SH3GL1: variants seen among roughly 807,000 people sequenced by gnomAD.
SH3GL1 encodes SH3 domain containing GRB2 like 1, endophilin A2, also known as endophilin-A2.
Under a neutral mutation model 48.8 loss-of-function variants are expected in SH3GL1, and 21 were observed. The observed-to-expected ratio is 0.43, with a 90% CI of 0.30 to 0.62. The LOEUF is 0.62. SH3GL1 is among the 20% of genes least tolerant of loss of function. SH3GL1 has a pLI of 0.11. For missense variants in SH3GL1, 454 were observed against 503.0 expected, an observed-to-expected ratio of 0.90 and a Z score of 0.93; for synonymous variants, 282 against 217.5, an observed-to-expected ratio of 1.30 and a Z score of -2.61.
chr19:4,364,882 G>A lies in SH3GL1; in HGVS notation c.331+600C>T, dbSNP rs1292039636. ...CCCGGCTAATTGTGTGTGTGTGTGT[G>A]TGTGTGTGTGTGTGTGTATATATAT... is the stretch of plus-strand genomic sequence containing the variant. On this transcript the variant is annotated intron_variant, in intron 4 of 9. Transcript: ENST00000269886. Among the ~76,000 whole-genome samples the A allele has an allele frequency of 3.7e-4, 26 of 69,822 alleles. No homozygotes were observed. In the South Asian group the frequency reaches 8.2e-3, roughly 22 times the overall value. 45.8% of individuals were successfully genotyped at this position (69,822 alleles called of 152,430 possible).
chr19:4,391,985 T>C (rs1160001632), intron 1 of SH3GL1, among the ~76,000 whole-genome samples: 3 of 152,236 alleles, frequency 2.0e-5, no homozygotes, highest in Non-Finnish European at 4.4e-5. Flanking sequence ...ATTCCCATCA[T>C]ACGTGGACAT....
intron 1 of SH3GL1, among the ~76,000 whole-genome samples, chr19:4,375,305 G>A (rs993146524): frequency 6.6e-6 from 1 of 152,244 alleles, no homozygotes; most frequent in Non-Finnish European, 1.5e-5. Context: ...GGGCCTAGGA[G>A]AGACATGCCT....
At chr19:4,394,261 C>G (rs1803223009) in intron 1 of SH3GL1, among the ~76,000 whole-genome samples, 1 of 152,004 alleles carries the variant, frequency 6.6e-6, no homozygotes. Context: ...GAAATAATGT[C>G]ACCCAAACCC....
intron 1 of SH3GL1, chr19:4,390,196 C>A (rs1054078456): frequency 6.6e-6 from 1 of 152,304 alleles, no homozygotes; most frequent in Non-Finnish European, 1.5e-5. Context: ...GCTCTCAGGG[C>A]CTGGTCAGCA....
At chr19:4,382,253 CTTTTTTTTTT>C (rs34085741) in intron 1 of SH3GL1, among the ~76,000 whole-genome samples, 10 of 102,382 alleles carry the variant, frequency 9.8e-5, no homozygotes, top group African/African-American at 2.9e-4. Flanking sequence ...GCTCCGCTTT[CTTTTTTTTTT>C]TTTTTTTTTT....
At chr19:4,378,031 A>C (rs1236710107) in intron 1 of SH3GL1, among the ~76,000 whole-genome samples, 1 of 151,952 alleles carries the variant, frequency 6.6e-6, no homozygotes, top group Non-Finnish European at 1.5e-5. Flanking sequence ...AACCCACCCC[A>C]AGTTCTCTGT....
intron 1 of SH3GL1, among the ~76,000 whole-genome samples, chr19:4,392,571 A>C (rs373768529): frequency 2.6e-4 from 37 of 142,388 alleles, no homozygotes; most frequent in African/African-American, 7.1e-4. Context: ...CACACACACA[A>C]AAGATCATTC....
chr19:4,395,162 T>C (rs1004273298), intron 1 of SH3GL1, among the ~76,000 whole-genome samples: 2 of 5,040 alleles, frequency 4.0e-4, no homozygotes, highest in African/African-American at 2.7e-3. Context: ...CTGTAAATGG[T>C]GTTTTTTTTT....
At chr19:4,391,535 A>C (rs1973337321) in intron 1 of SH3GL1, among the ~76,000 whole-genome samples, 1 of 152,210 alleles carries the variant, frequency 6.6e-6, no homozygotes, top group African/African-American at 2.4e-5. Context: ...TACAGCAGTC[A>C]CGGGTGGCAG....
intron 1 of SH3GL1, among the ~76,000 whole-genome samples, chr19:4,381,482 CCT>C (rs1359137371): frequency 2.3e-5 from 3 of 130,788 alleles, no homozygotes; most frequent in African/African-American, 8.8e-5. Flanking sequence ...GTCCCCTCTG[CCT>C]CTCTCCGTTC....
In SH3GL1 at chr19:4,376,631, G is replaced by A. The variant is rs1182785777; in HGVS notation, c.46-9637C>T. On this transcript the variant is annotated intron_variant, in intron 1 of 9. Coordinates refer to ENST00000269886, the MANE Select transcript of SH3GL1 (RefSeq NM_003025.4). This position sits in a 1 kb window ranked among gnomAD's most constrained non-coding sequence, Gnocchi z 4.3. ...TCATCTTACACCCCCATCTGCCTGG[G>A]CGGCCCCCCCATCTCCCCTCAGAGC... 2.6e-5 allele frequency among the ~76,000 whole-genome samples: 4 copies of A among 151,638 alleles called. No individual in the cohort carries two copies. Among genetic ancestry groups the A allele is most frequent in the African/African-American group, 9.7e-5 (4 of 41,220 alleles).
intron 1 of SH3GL1, among the ~76,000 whole-genome samples, chr19:4,381,414 T>C (rs1412800199): frequency 5.0e-5 from 3 of 59,856 alleles, no homozygotes; most frequent in African/African-American, 7.0e-5. Context: ...TACCTCTGTC[T>C]CCCCTCTCTC....
In SH3GL1 at chr19:4,389,435, C is replaced by T. The variant is rs1318279196; in HGVS notation, c.45+10889G>A. On this transcript the variant is annotated intron_variant, in intron 1 of 9. Coordinates refer to ENST00000269886, the MANE Select transcript of SH3GL1 (RefSeq NM_003025.4). This position sits in a 1 kb window ranked among gnomAD's most constrained non-coding sequence, Gnocchi z 4.5. ...AATGAGGTTGGGAGGTAGGAGAGGCCGGTGACATGGACAGGAGGCAGGAGA... is the reference window on the plus strand; with the variant it reads ...AATGAGGTTGGGAGGTAGGAGAGGCTGGTGACATGGACAGGAGGCAGGAGA... 7.1e-6 allele frequency among the ~76,000 whole-genome samples: 1 copy of T among 141,078 alleles called. No homozygotes were observed. The highest frequency in any genetic ancestry group is 2.5e-5 in the African/African-American group (1 of 39,552). The allele number at this position is 141,078 out of a possible 152,430, so 92.6% of individuals were successfully genotyped here.
At chr19:4,383,502 G>A (rs1186670535) in intron 1 of SH3GL1, among the ~76,000 whole-genome samples, 1 of 152,082 alleles carries the variant, frequency 6.6e-6, no homozygotes, top group African/African-American at 2.4e-5. Context: ...CCAAAGTGCT[G>A]GGTGACAGGC....
At chr19:4,386,787 G>A (rs1376155917) in intron 1 of SH3GL1, among the ~76,000 whole-genome samples, 1 of 152,138 alleles carries the variant, frequency 6.6e-6, no homozygotes, top group African/African-American at 2.4e-5. Flanking sequence ...CCTAAGAGGC[G>A]AGACTGCAGA....
At position 4,400,539 on chromosome 19, in the gene SH3GL1, C is replaced by CAGGA. The variant is rs1467848831; in HGVS notation, c.-175_-172dup. 1.5e-5 allele frequency: 5 copies of CAGGA among 335,920 alleles called. No homozygotes were observed. Among genetic ancestry groups the CAGGA allele is most frequent in the African/African-American group, 9.0e-5 (4 of 44,562 alleles). 20.8% of individuals were successfully genotyped at this position (335,920 alleles called of 1,614,324 possible). On this transcript the variant is annotated 5_prime_UTR_variant, in exon 1 of 10. Transcript: ENST00000269886. This position sits in a 1 kb window ranked among gnomAD's most constrained non-coding sequence, Gnocchi z 4.1. ...TCAGCCGCTCGCGCGCCCGCGCGGC[C>CAGGA]AGGATATTACATGGCAACCGCACGC...
chr19:4,383,067 C>T (rs1249115582), intron 1 of SH3GL1, among the ~76,000 whole-genome samples: 1 of 152,136 alleles, frequency 6.6e-6, no homozygotes, highest in African/African-American at 2.4e-5. Flanking sequence ...TACAAGTACA[C>T]ACCACCACGC....
intron 5 of SH3GL1, 43 bp downstream of exon 5, chr19:4,364,045 G>A: frequency 2.5e-6 from 4 of 1,610,648 alleles, no homozygotes; most frequent in Non-Finnish European, 3.4e-6. Flanking sequence ...GCCCCATCCG[G>A]CAGGGGGAAG....
At chr19:4,366,250 G>C (rs1386390877) in intron 3 of SH3GL1, among the ~76,000 whole-genome samples, 2 of 152,186 alleles carry the variant, frequency 1.3e-5, no homozygotes, top group Non-Finnish European at 2.9e-5. Flanking sequence ...CTGCTGGCTG[G>C]AAGAGGGGTT....
Sources: allele counts gnomAD v4.1 joint callset (sites outside exome capture counted in the v4.1 genomes callset), GRCh38; gene constraint gnomAD v4.1.1; non-coding constraint Gnocchi (gnomAD v3.1); transcripts MANE v1.5; gene names NCBI Gene and HGNC (gene_info 2026-07-23, HGNC 2026-07-21).